Variants in NCR3LG1 observed in about 807,000 individuals in gnomAD.
NCR3LG1 encodes natural killer cell cytotoxicity receptor 3 ligand 1.
NCR3LG1 carries 35 observed loss-of-function variants against 34.8 expected under a neutral mutation model. The observed-to-expected ratio is 1.01, with a 90% CI of 0.77 to 1.33. NCR3LG1 has a LOEUF of 1.33. Among genes scored for constraint, NCR3LG1 ranks in the 40% most tolerant of loss-of-function variants. The pLI, the probability that NCR3LG1 is intolerant of heterozygous loss-of-function variation, is 0.00. For synonymous variants in NCR3LG1, 173 were observed against 163.6 expected (o/e 1.06, Z -0.44); for missense variants, 452 against 423.3 (o/e 1.07, Z -0.60).
Position 17,373,082 on chromosome 11 carries a change from A to G in NCR3LG1, c.*570A>G, listed in dbSNP as rs10832779. ...GTTTATACCTCACATAAATAATTCAATTGAGGGACAGCTAATTTTGAAAGA... is the reference window on the plus strand; with the variant it reads ...GTTTATACCTCACATAAATAATTCAGTTGAGGGACAGCTAATTTTGAAAGA... On this transcript the variant is annotated 3_prime_UTR_variant, in exon 5 of 5. Coordinates refer to ENST00000338965, the MANE Select transcript of NCR3LG1 (RefSeq NM_001202439.3). The G allele has an allele frequency of 0.24, 36,719 of 152,172 alleles. 5,283 individuals are homozygous for G. Among genetic ancestry groups the G allele is most frequent in the East Asian group, 0.51 (2,650 of 5,154 alleles). 9.4% of individuals were successfully genotyped at this position (152,172 alleles called of 1,614,324 possible).
chr11:17,355,452 G>T (rs997226113), intron 1 of NCR3LG1, among the ~76,000 whole-genome samples: 1 of 151,508 alleles, frequency 6.6e-6, no homozygotes, highest in African/African-American at 2.4e-5. Flanking sequence ...CTTTACAATA[G>T]CATCAAAAGA....
intron 2 of NCR3LG1, 73 bp from the exon 3 acceptor site, chr11:17,366,936 C>G: frequency 9.0e-7 from 1 of 1,111,616 alleles, no homozygotes; most frequent in Non-Finnish European, 1.3e-6. Flanking sequence ...ATGGTAGAAG[C>G]CAGTTAGCAT....
At chr11:17,357,732 G>T (rs1303693879) in intron 2 of NCR3LG1, among the ~76,000 whole-genome samples, 3 of 152,140 alleles carry the variant, frequency 2.0e-5, no homozygotes, top group Non-Finnish European at 4.4e-5. Flanking sequence ...ATAGGAGACA[G>T]GGTCTCCCTC....
chr11:17,377,908 A>T (rs1385847828), downstream of NCR3LG1, among the ~76,000 whole-genome samples: 1 of 152,158 alleles, frequency 6.6e-6, no homozygotes, highest in Non-Finnish European at 1.5e-5. Context: ...GAGGTCTATC[A>T]TTTCCATGCC....
At chr11:17,368,321 A>G (rs1022547518) in intron 3 of NCR3LG1, among the ~76,000 whole-genome samples, 2 of 152,214 alleles carry the variant, frequency 1.3e-5, no homozygotes, top group African/African-American at 4.8e-5. Context: ...CTCTGCTGGT[A>G]AAATGCATCT....
chr11:17,362,749 TTTCTTTC>T (rs1564856500), intron 2 of NCR3LG1, among the ~76,000 whole-genome samples: 7 of 108,432 alleles, frequency 6.5e-5, no homozygotes, highest in African/African-American at 4.1e-4. Context: ...TCTTTCTTTC[TTTCTTTC>T]TTTCTTTCTT....
downstream of NCR3LG1, among the ~76,000 whole-genome samples, chr11:17,378,211 G>C (rs1407539764): frequency 6.6e-6 from 1 of 152,120 alleles, no homozygotes. Flanking sequence ...GGGTACCTGT[G>C]CACTTTTAAA....
chr11:17,354,220 T>C (rs1700455785), intron 1 of NCR3LG1, among the ~76,000 whole-genome samples: 1 of 152,254 alleles, frequency 6.6e-6, no homozygotes, highest in Admixed American at 6.5e-5. Context: ...ACTAGTTGAT[T>C]TGAAAAGATA....
chr11:17,366,179 C>G (rs1219883984), intron 2 of NCR3LG1, among the ~76,000 whole-genome samples: 10 of 152,158 alleles, frequency 6.6e-5, no homozygotes, highest in African/African-American at 2.4e-4. Context: ...GCAGCTAGCT[C>G]TGTGATCATC....
At chr11:17,364,509 C>A (rs374656989) in intron 2 of NCR3LG1, among the ~76,000 whole-genome samples, 1 of 150,610 alleles carries the variant, frequency 6.6e-6, no homozygotes, top group Non-Finnish European at 1.5e-5. Flanking sequence ...TGGGAAGTTT[C>A]TATTAACATC....
chr11:17,369,421 A>G (rs992112218), intron 4 of NCR3LG1, among the ~76,000 whole-genome samples: 4 of 152,238 alleles, frequency 2.6e-5, no homozygotes, highest in Admixed American at 6.5e-5. Flanking sequence ...AAGAATTTCT[A>G]ACCCTCACTA....
rs1044657942 is a variant in NCR3LG1 at position 17,367,168 on chromosome 11, T to A, written c.581T>A (p.Val194Asp). Residue 194 changes from valine to aspartate, a missense_variant, in exon 3 of 5, where the codon GTC (valine) becomes GAC (aspartate). By Grantham distance (152) the Val-to-Asp change is radical. Transcript: ENST00000338965. Reference protein sequence around the residue: ...FPHPIEISEDVITGPTIKNMD... With the variant: ...FPHPIEISEDDITGPTIKNMD... ...CATCCCATAGAGATTTCTGAGGATG[T>A]CATCACTGGTCCCACCATCAAGAAT... The A allele has an allele frequency of 4.1e-5, 63 of 1,536,556 alleles. No homozygotes were observed. The highest frequency in any genetic ancestry group is 5.2e-5 in the Non-Finnish European group (60 of 1,147,024).
chr11:17,370,281 T>G (rs1306856387), intron 4 of NCR3LG1, among the ~76,000 whole-genome samples: 1 of 152,204 alleles, frequency 6.6e-6, no homozygotes, highest in Non-Finnish European at 1.5e-5. Context: ...GGGTCCGCGC[T>G]CCTTAATTTT....
chr11:17,378,246 A>G (rs1222257883), downstream of NCR3LG1, among the ~76,000 whole-genome samples: 1 of 152,174 alleles, frequency 6.6e-6, no homozygotes, highest in Non-Finnish European at 1.5e-5. Context: ...TTCTAGATCA[A>G]TACCTCTAGT....
rs1412156810 is a variant in NCR3LG1, at chr11:17,356,716, A to T, written c.136A>T (p.Ile46Leu). ...QITPLNDNVT[I>L]FCNIFYSQPL... ...CACACCCCTGAATGACAATGTCACC[A>T]TATTCTGCAATATCTTTTATTCCCA... Residue 46 changes from isoleucine (I) to leucine (L), a missense_variant, in exon 2 of 5, where the codon ATA (isoleucine) becomes TTA (leucine). Coordinates refer to ENST00000338965, the MANE Select transcript of NCR3LG1 (RefSeq NM_001202439.3). The T allele has an allele frequency of 1.7e-5, 26 of 1,536,288 alleles. No individual in the cohort carries two copies. In the South Asian group the frequency reaches 3.0e-4, roughly 18 times the overall value.
Position 17,362,765 on chromosome 11 carries a change from T to TTTCCTTCC in NCR3LG1, c.422-4236_422-4229dup, listed in dbSNP as rs1564856537. ...CTTTCTTTCTTTCTTTCTTTCTTTC[T>TTTCCTTCC]TTCCTTCCTTCCTTCTTTCCTTCTT... On this transcript the variant is annotated intron_variant, in intron 2 of 4. Transcript: ENST00000338965. 1.0e-4 allele frequency among the ~76,000 whole-genome samples: 11 copies of TTTCCTTCC among 107,192 alleles called. 1 individual carries two copies. Among genetic ancestry groups the TTTCCTTCC allele is most frequent in the African/African-American group, 4.2e-4 (10 of 23,566 alleles). 70.3% of individuals were successfully genotyped at this position (107,192 alleles called of 152,430 possible).
At position 17,377,322 on chromosome 11, in the gene NCR3LG1, C is replaced by CAAAAAAAAAA. The variant is rs60164401; in HGVS notation, c.*4820_*4829dup. The CAAAAAAAAAA allele has an allele frequency of 5.0e-5, 4 of 80,282 alleles. No homozygotes were observed. Among genetic ancestry groups the CAAAAAAAAAA allele is most frequent in the Admixed American group, 1.3e-4 (1 of 7,784 alleles). 5.0% of individuals were successfully genotyped at this position (80,282 alleles called of 1,614,324 possible). On this transcript the variant is annotated 3_prime_UTR_variant, in exon 5 of 5. Transcript: ENST00000338965. ...TGAAACCCCGTCTGTACTAATAATA[C>CAAAAAAAAAA]AAAAAAAAAAAAAAAAAAAGCCAGG...
At chr11:17,359,338 C>T (rs1953244295) in intron 2 of NCR3LG1, among the ~76,000 whole-genome samples, 1 of 152,176 alleles carries the variant, frequency 6.6e-6, no homozygotes, top group African/African-American at 2.4e-5. Flanking sequence ...TAGTCCATCA[C>T]CACATAGATC....
At chr11:17,364,405 G>A (rs1953321486) in intron 2 of NCR3LG1, among the ~76,000 whole-genome samples, 1 of 152,072 alleles carries the variant, frequency 6.6e-6, no homozygotes, top group South Asian at 2.1e-4. Flanking sequence ...TGTTGGACAG[G>A]GTGGTCGCCA....
Sources: allele counts gnomAD v4.1 joint callset (sites outside exome capture counted in the v4.1 genomes callset), GRCh38; gene constraint gnomAD v4.1.1; transcripts MANE v1.5; gene names NCBI Gene and HGNC (gene_info 2026-07-23, HGNC 2026-07-21).